Variants in ST3GAL1 observed in about 807,000 individuals in gnomAD.
ST3GAL1 encodes CMP-N-acetylneuraminate-beta-galactosamide-alpha-2,3-sialyltransferase 1.
Under a neutral mutation model 34.1 loss-of-function variants are expected in ST3GAL1, and 16 were observed. That is an observed-to-expected ratio of 0.47 (90% confidence interval 0.32 to 0.71). The LOEUF is 0.71. Ranked by LOEUF, ST3GAL1 falls within the 30% of genes least tolerant of loss-of-function variation. ST3GAL1 has a pLI of 0.04. For synonymous variants in ST3GAL1, 191 were observed against 184.7 expected, an observed-to-expected ratio of 1.03 and a Z score of -0.28; for missense variants, 353 against 447.4, an observed-to-expected ratio of 0.79 and a Z score of 1.90.
intron 2 of ST3GAL1, among the ~76,000 whole-genome samples, chr8:133,541,997 A>C (rs1818549519): frequency 6.6e-6 from 1 of 152,174 alleles, no homozygotes; most frequent in Non-Finnish European, 1.5e-5. Context: ...ATTTTAATAG[A>C]TAGATAGGTC....
Position 133,553,526 on chromosome 8 carries a change from C to A in ST3GAL1, c.-581-7600G>T, listed in dbSNP as rs1434706238. On this transcript the variant is annotated intron_variant, in intron 1 of 9. Coordinates refer to ENST00000522652, the MANE Select transcript of ST3GAL1 (RefSeq NM_173344.3). ...GCCATCAACTGACCAGGGTCTTGGA[C>A]AAGTTATCTCATCACTCAGTACCTG... 2.6e-5 allele frequency among the ~76,000 whole-genome samples: 4 copies of A among 152,214 alleles called. No individual in the cohort carries two copies. In the South Asian group the frequency reaches 8.3e-4, roughly 32 times the overall value.
At chr8:133,501,147 G>A (rs1038334891) in intron 2 of ST3GAL1, among the ~76,000 whole-genome samples, 3 of 152,194 alleles carry the variant, frequency 2.0e-5, no homozygotes, top group Non-Finnish European at 4.4e-5. Context: ...AAGGTAACAT[G>A]AGCGAGGATA....
chr8:133,567,669 G>T (rs1819443027), intron 1 of ST3GAL1, among the ~76,000 whole-genome samples: 1 of 152,148 alleles, frequency 6.6e-6, no homozygotes, highest in Non-Finnish European at 1.5e-5. Context: ...CTAGCGTTGA[G>T]AACTGCTAGA....
At chr8:133,523,964 G>A (rs1378091069) in intron 2 of ST3GAL1, among the ~76,000 whole-genome samples, 2 of 152,152 alleles carry the variant, frequency 1.3e-5, no homozygotes, top group East Asian at 1.9e-4. Flanking sequence ...CATGCTTCAG[G>A]CAGCCTGTGA....
chr8:133,547,342 C>G (rs1165751547), intron 1 of ST3GAL1, among the ~76,000 whole-genome samples: 5 of 152,108 alleles, frequency 3.3e-5, no homozygotes, highest in African/African-American at 1.2e-4. Context: ...ATGACTACCA[C>G]TCACTGCAGC....
At chr8:133,505,456 C>G (rs1418550035) in intron 2 of ST3GAL1, among the ~76,000 whole-genome samples, 4 of 152,192 alleles carry the variant, frequency 2.6e-5, no homozygotes, top group African/African-American at 9.7e-5. Flanking sequence ...GGAGTAAAGT[C>G]TTTTGGCTCT....
chr8:133,503,213 G>A (rs1586623900), intron 2 of ST3GAL1, among the ~76,000 whole-genome samples: 2 of 150,938 alleles, frequency 1.3e-5, no homozygotes, highest in African/African-American at 4.9e-5. Context: ...GACAAACACA[G>A]AGTTCCTTTT....
At chr8:133,471,343 G>T (rs898662177) in intron 5 of ST3GAL1, among the ~76,000 whole-genome samples, 14 of 121,330 alleles carry the variant, frequency 1.2e-4, no homozygotes, top group Non-Finnish European at 2.0e-4. Context: ...GTGGACAGGT[G>T]GGGTGGACAG....
chr8:133,531,798 C>A (rs1818161495), intron 2 of ST3GAL1, among the ~76,000 whole-genome samples: 1 of 131,062 alleles, frequency 7.6e-6, no homozygotes, highest in South Asian at 2.8e-4. Context: ...CACTTGTATC[C>A]CGAAACTTAA....
intron 2 of ST3GAL1, among the ~76,000 whole-genome samples, chr8:133,539,995 G>C (rs1818419189): frequency 6.6e-6 from 1 of 152,216 alleles, no homozygotes; most frequent in Non-Finnish European, 1.5e-5. Context: ...GCTCAGCCAA[G>C]TGCCAGTGAG....
chr8:133,559,108 G>A lies in ST3GAL1; in HGVS notation c.-582+12585C>T, dbSNP rs189872751. Among the ~76,000 whole-genome samples the A allele has an allele frequency of 3.6e-3, 543 of 152,152 alleles. 2 individuals carry two copies. The highest frequency in any genetic ancestry group is 0.012 in the African/African-American group (516 of 41,482). Reference sequence around the variant, plus strand: ...ACTGGGACAGGCTGTGGCCACCTGCGATGCTGTTTGGGGCCTTCATTTAGA... The same window carrying A: ...ACTGGGACAGGCTGTGGCCACCTGCAATGCTGTTTGGGGCCTTCATTTAGA... On this transcript the variant is annotated intron_variant, in intron 1 of 9. Coordinates refer to ENST00000522652, the MANE Select transcript of ST3GAL1 (RefSeq NM_173344.3).
intron 2 of ST3GAL1, among the ~76,000 whole-genome samples, chr8:133,539,109 A>G (rs1818389855): frequency 6.6e-6 from 1 of 152,216 alleles, no homozygotes; most frequent in Non-Finnish European, 1.5e-5. Context: ...TCCTGAGCTC[A>G]GCTGATTCCT....
At chr8:133,543,754 T>G (rs1350955252) in intron 2 of ST3GAL1, among the ~76,000 whole-genome samples, 2 of 152,112 alleles carry the variant, frequency 1.3e-5, no homozygotes, top group African/African-American at 4.8e-5. Flanking sequence ...ACCTGGCACA[T>G]AATAAGCTGG....
In ST3GAL1 at chr8:133,464,934, C is replaced by T; in HGVS notation, c.527G>A (p.Gly176Glu). The change falls in exon 7 of 10, where the codon GGG (glycine) becomes GAG (glutamate). Residue 176 changes from glycine (G) to glutamate (E), a missense_variant. Transcript: ENST00000522652. The part of the protein sequence containing the change: ...VLRMNKAPTA[G>E]FEADVGTKTT... ...CTTGGTCCCAACATCAGCTTCAAAC[C>T]CTGCCGTGGGCGCCTTGTTCATCCT... The T allele has an allele frequency of 1.2e-6, 2 of 1,613,472 alleles. No individual in the cohort carries two copies. Among genetic ancestry groups the T allele is most frequent in the Non-Finnish European group, 1.7e-6 (2 of 1,179,640 alleles).
intron 2 of ST3GAL1, among the ~76,000 whole-genome samples, chr8:133,532,160 A>T (rs1818175632): frequency 6.6e-6 from 1 of 152,156 alleles, no homozygotes; most frequent in South Asian, 2.1e-4. Context: ...TTGGGTAAGT[A>T]GTTATTTTTT....
At chr8:133,539,216 C>A (rs964482867) in intron 2 of ST3GAL1, among the ~76,000 whole-genome samples, 1 of 152,198 alleles carries the variant, frequency 6.6e-6, no homozygotes, top group African/African-American at 2.4e-5. Flanking sequence ...GAACGAAGTT[C>A]TTTCGCCCTG....
At chr8:133,547,861 G>A (rs1349732370) in intron 1 of ST3GAL1, among the ~76,000 whole-genome samples, 6 of 152,204 alleles carry the variant, frequency 3.9e-5, no homozygotes, top group Non-Finnish European at 7.3e-5. Flanking sequence ...TGGTGATTAT[G>A]AAGAGATAAT....
At chr8:133,516,016 G>A (rs778744984) in intron 2 of ST3GAL1, among the ~76,000 whole-genome samples, 1 of 151,952 alleles carries the variant, frequency 6.6e-6, no homozygotes, top group East Asian at 1.9e-4. Context: ...CACCATGCCT[G>A]GCTAATTTTT....
chr8:133,498,294 C>G (rs1184219597), intron 3 of ST3GAL1, among the ~76,000 whole-genome samples: 1 of 152,254 alleles, frequency 6.6e-6, no homozygotes, highest in African/African-American at 2.4e-5. Flanking sequence ...AGCTGTGAAA[C>G]AGCAAAGCGC....
Sources: gnomAD v4.1 joint callset for allele counts (sites outside exome capture counted in the v4.1 genomes callset) on GRCh38, gnomAD v4.1.1 for gene constraint, MANE v1.5 for transcripts, NCBI Gene and HGNC (gene_info 2026-07-23, HGNC 2026-07-21) for gene names.